Variants in ARL9 observed in about 807,000 individuals in gnomAD.
ARL9 encodes the protein ADP-ribosylation factor-like protein 9.
A neutral mutation model predicts 27.0 loss-of-function variants in ARL9; 14 were observed. The observed-to-expected ratio is 0.52, with a 90% confidence interval of 0.34 to 0.81. The LOEUF is 0.81. Ranked by LOEUF, ARL9 falls within the 30% of genes least tolerant of loss-of-function variation. ARL9 has a pLI of 0.01. For synonymous variants in ARL9, 106 were observed against 108.7 expected, an observed-to-expected ratio of 0.98 and a Z score of 0.15; for missense variants, 294 against 290.0, an observed-to-expected ratio of 1.01 and a Z score of -0.10.
intron 2 of ARL9, among the ~76,000 whole-genome samples, chr4:56,517,417 A>G (rs1322929126): frequency 1.3e-5 from 2 of 152,180 alleles, no homozygotes; most frequent in Non-Finnish European, 2.9e-5. Context: ...TGCAGGCCAC[A>G]TGCTCTCTGT....
chr4:56,520,525 G>A (rs528248616), intron 3 of ARL9, among the ~76,000 whole-genome samples: 11 of 150,762 alleles, frequency 7.3e-5, no homozygotes, highest in Non-Finnish European at 1.5e-4. Flanking sequence ...TGTAGTTATC[G>A]TTTAATGGAT....
chr4:56,509,592 T>C (rs1721572125), intron 1 of ARL9, among the ~76,000 whole-genome samples: 1 of 151,312 alleles, frequency 6.6e-6, no homozygotes, highest in African/African-American at 2.4e-5. Context: ...TGGAGTGCAA[T>C]GGCGTGATCT....
intron 3 of ARL9, 116 bp from the exon 4 acceptor site, chr4:56,523,580 CT>C: frequency 1.3e-6 from 1 of 762,142 alleles, no homozygotes; most frequent in South Asian, 2.0e-5. Flanking sequence ...TCACAATAGC[CT>C]CTATATGAAA....
intron 3 of ARL9, among the ~76,000 whole-genome samples, chr4:56,519,801 A>G (rs1721868259): frequency 6.6e-6 from 1 of 152,120 alleles, no homozygotes; most frequent in Admixed American, 6.5e-5. Context: ...ACAGCCAAAA[A>G]TGGAAGCTAC....
In ARL9 at chr4:56,516,584, CAAAAAA is replaced by C. The variant is rs10718013; in HGVS notation, c.443-2081_443-2076del. 1.1e-3 allele frequency among the ~76,000 whole-genome samples: 137 copies of C among 120,872 alleles called. 1 individual carries two copies. Among genetic ancestry groups the C allele is most frequent in the African/African-American group, 3.8e-3 (127 of 33,772 alleles). 79.3% of individuals were successfully genotyped at this position (120,872 alleles called of 152,430 possible). ...ATCAGTAAGTAGAATTCAAATTAGGCAAAAAAAAAAAAAAAAAAGAAAAAGAAAAAG... is the reference window on the plus strand; with the variant it reads ...ATCAGTAAGTAGAATTCAAATTAGGCAAAAAAAAAAAAGAAAAAGAAAAAG... On this transcript the variant is annotated intron_variant, in intron 2 of 3. Coordinates refer to ENST00000640821, the MANE Select transcript of ARL9 (RefSeq NM_001363794.2).
upstream of ARL9, chr4:56,505,587 T>G (rs1721429404): frequency 1.7e-6 from 1 of 586,396 alleles, no homozygotes; most frequent in African/African-American, 1.8e-5. Context: ...TGGGACCTCT[T>G]GGTTTCGCTT....
At chr4:56,510,580 G>C (rs1261836803) in intron 1 of ARL9, among the ~76,000 whole-genome samples, 1 of 152,130 alleles carries the variant, frequency 6.6e-6, no homozygotes, top group East Asian at 1.9e-4. Context: ...AATGAAGTCT[G>C]AGAATTGGTC....
chr4:56,510,899 G>A (rs1721618914), intron 1 of ARL9, among the ~76,000 whole-genome samples: 1 of 151,610 alleles, frequency 6.6e-6, no homozygotes. Context: ...AGCCTCCCAA[G>A]TAGCTGGACT....
chr4:56,506,129 G>A lies in ARL9; in HGVS notation c.267G>A (p.Pro89=), dbSNP rs905632665. The A allele has an allele frequency of 8.1e-7, 1 of 1,233,450 alleles. No homozygotes were observed. The highest frequency in any genetic ancestry group is 1.5e-5 in the African/African-American group (1 of 64,530). The allele number at this position is 1,233,450 out of a possible 1,614,324, so 76.4% of individuals were successfully genotyped here. ...ENKDSTLTRT[P]LEPLEKNKQI... ...AGGACAGCACCTTGACAAGGACCCC[G>A]CTCGAGCCGCTGGTAAGAGACCCAG... The change falls in exon 1 of 4, where the codon CCG becomes CCA. Residue 89 remains proline (P), a synonymous_variant. Transcript: ENST00000640821.
At chr4:56,510,312 G>T (rs1721600368) in intron 1 of ARL9, among the ~76,000 whole-genome samples, 1 of 145,578 alleles carries the variant, frequency 6.9e-6, no homozygotes, top group Non-Finnish European at 1.5e-5. Flanking sequence ...CCGAGATCGT[G>T]CCACTGCACT....
chr4:56,524,063 C>A lies in ARL9; in HGVS notation c.*187C>A. 6.5e-6 allele frequency: 3 copies of A among 458,566 alleles called. No homozygotes were observed. Among genetic ancestry groups the A allele is most frequent in the South Asian group, 6.9e-5 (1 of 14,478 alleles). 28.4% of individuals were successfully genotyped at this position (458,566 alleles called of 1,614,324 possible). A position where few individuals can be genotyped will look rare whatever the true frequency, so the allele number is the denominator to read the frequency against. On this transcript the variant is annotated 3_prime_UTR_variant, in exon 4 of 4. Coordinates refer to ENST00000640821, the MANE Select transcript of ARL9 (RefSeq NM_001363794.2). ...ATCTGGGGATTCAAGAACTGTGGAT[C>A]CAAAACATTCAAAAAGTAAACCCAC...
intron 3 of ARL9, among the ~76,000 whole-genome samples, chr4:56,519,818 T>A: frequency 6.6e-6 from 1 of 152,100 alleles, no homozygotes; most frequent in East Asian, 1.9e-4. Flanking sequence ...CTACCCAAGA[T>A]AAATGGATAT....
Position 56,522,062 on chromosome 4 carries a change from T to G in ARL9, c.619-1635T>G, listed in dbSNP as rs139407759. 7.8e-3 allele frequency among the ~76,000 whole-genome samples: 1,163 copies of G among 149,092 alleles called. 8 individuals carry two copies. The highest frequency in any genetic ancestry group is 0.013 in the Non-Finnish European group (854 of 67,178). ...GTACAGTGGTGTGATCTCGGCTCAC[T>G]GCAAGCTCCACCTCCCAGGCTTAAG... On this transcript the variant is annotated intron_variant, in intron 3 of 3. Transcript: ENST00000640821.
intron 3 of ARL9, among the ~76,000 whole-genome samples, chr4:56,521,666 T>G (rs1443409435): frequency 6.6e-6 from 1 of 152,206 alleles, no homozygotes; most frequent in African/African-American, 2.4e-5. Flanking sequence ...TTTTTGCCAA[T>G]CTGATGGGTG....
At position 56,511,276 on chromosome 4, in the gene ARL9, G is replaced by C. The variant is rs573645658; in HGVS notation, c.371G>C (p.Ser124Thr). 7.1e-5 allele frequency: 114 copies of C among 1,613,900 alleles called. 3 individuals carry two copies. In the South Asian group the frequency reaches 1.1e-3, roughly 16 times the overall value. The change falls in exon 2 of 4, where the codon AGT becomes ACT. Residue 124 changes from serine (S) to threonine (T), a missense_variant. Transcript: ENST00000640821. ...HSLASNRVQH[S>T]VAPTQGFHAV... ...CTAGCTTCAAACAGAGTCCAGCACA[G>C]TGTGGCACCCACCCAAGGTTTCCAT...
At chr4:56,516,584 C>CAAAAAAAAA (rs10718013) in intron 2 of ARL9, among the ~76,000 whole-genome samples, 2 of 120,844 alleles carry the variant, frequency 1.7e-5, no homozygotes, top group African/African-American at 5.9e-5. Context: ...TCAAATTAGG[C>CAAAAAAAAA]AAAAAAAAAA....
In ARL9 at chr4:56,505,848, A is replaced by G; in HGVS notation, c.-15A>G. 1 of 1,274,868 alleles carries G rather than the reference A, an allele frequency of 7.8e-7. No individual in the cohort carries two copies. The allele number at this position is 1,274,868 out of a possible 1,614,324, so 79.0% of individuals were successfully genotyped here. ...CGGGCACGCGGCGGGAGGGAAGGAA[A>G]CCGCGGCGCTGGGGATGGAGAGGGG... On this transcript the variant is annotated 5_prime_UTR_variant, in exon 1 of 4. Coordinates refer to ENST00000640821, the MANE Select transcript of ARL9 (RefSeq NM_001363794.2).
chr4:56,518,744 T>C lies in ARL9; in HGVS notation c.509T>C (p.Phe170Ser). Residue 170 changes from phenylalanine to serine, a missense_variant, in exon 3 of 4, where the codon TTT (phenylalanine) becomes TCT (serine). By Grantham distance (155) the Phe-to-Ser change is radical. Coordinates refer to ENST00000640821, the MANE Select transcript of ARL9 (RefSeq NM_001363794.2). The part of the protein sequence containing the change: ...MYLSKGLLLI[F>S]VVDSADHSRL... ...CTATCCAAGGGATTGCTGCTGATCT[T>C]TGTGGTGGATTCAGCAGATCACAGC... 1 of 1,613,936 alleles carries C rather than the reference T, an allele frequency of 6.2e-7. No homozygotes were observed. The highest frequency in any genetic ancestry group is 1.1e-5 in the South Asian group (1 of 91,080).
intron 1 of ARL9, 133 bp from the exon 2 acceptor site, chr4:56,511,052 C>T (rs1169425761): frequency 2.5e-5 from 21 of 845,670 alleles, no homozygotes; most frequent in Middle Eastern, 3.6e-4. Flanking sequence ...GGATTACAGG[C>T]GTGAGCCACC....
Sources: allele counts gnomAD v4.1 joint callset (sites outside exome capture counted in the v4.1 genomes callset), GRCh38; gene constraint gnomAD v4.1.1; transcripts MANE v1.5; gene names NCBI Gene and HGNC (gene_info 2026-07-23, HGNC 2026-07-21).